PCNX1: variants seen among roughly 807,000 people sequenced by gnomAD.
PCNX1 encodes the protein pecanex 1.
Under a neutral mutation model 242.2 loss-of-function variants are expected in PCNX1, and 78 were observed. The ratio of observed to expected loss-of-function variants is 0.32; its 90% CI spans 0.27 to 0.39. The LOEUF (loss-of-function observed/expected upper bound fraction) is 0.39. PCNX1 is among the 10% of genes least tolerant of loss of function. PCNX1 has a pLI of 1.00. For missense variants in PCNX1, 2,581 were observed against 2,856.5 expected (o/e 0.90, Z 2.20); for synonymous variants, 1,024 against 1,032.9 (o/e 0.99, Z 0.17).
At chr14:70,994,427 A>ATATATATATG (rs930212552) in intron 7 of PCNX1, among the ~76,000 whole-genome samples, 30 of 88,712 alleles carry the variant, frequency 3.4e-4, no homozygotes, top group Middle Eastern at 5.4e-3. Context: ...ATATATATAT[A>ATATATATATG]TATGTATGTA....
chr14:71,073,906 C>T, intron 27 of PCNX1, 108 bp downstream of exon 27: 1 of 656,394 alleles, frequency 1.5e-6, no homozygotes, highest in Non-Finnish European at 2.2e-6. Flanking sequence ...GTATGCTTTG[C>T]TTCCAAGTAC....
intron 8 of PCNX1, among the ~76,000 whole-genome samples, chr14:71,007,725 A>T (rs1015239444): frequency 5.3e-5 from 8 of 152,198 alleles, no homozygotes; most frequent in African/African-American, 1.9e-4. Flanking sequence ...CCAATAAATG[A>T]ATACAGAACA....
chr14:71,036,642 G>C (rs941137866), intron 19 of PCNX1, among the ~76,000 whole-genome samples: 6 of 152,164 alleles, frequency 3.9e-5, no homozygotes, highest in Non-Finnish European at 7.3e-5. Context: ...TAAGTACACT[G>C]TGATGTTTGC....
At chr14:71,074,273 A>G (rs2061656755) in intron 27 of PCNX1, among the ~76,000 whole-genome samples, 2 of 152,166 alleles carry the variant, frequency 1.3e-5, no homozygotes, top group African/African-American at 4.8e-5. Flanking sequence ...TCATTCAACA[A>G]ACTGAATAAA....
chr14:71,076,516 C>G, intron 28 of PCNX1, 97 bp downstream of exon 28: 3 of 723,112 alleles, frequency 4.1e-6, no homozygotes, highest in South Asian at 1.8e-5. Context: ...TTTTCAAGAC[C>G]TTCCTCTTTC....
chr14:70,946,622 T>C (rs2057466614), intron 1 of PCNX1, among the ~76,000 whole-genome samples: 1 of 152,244 alleles, frequency 6.6e-6, no homozygotes, highest in Admixed American at 6.5e-5. Flanking sequence ...CAACATGTAA[T>C]CAACATTAAA....
chr14:70,996,715 A>G (rs906274683), intron 8 of PCNX1, among the ~76,000 whole-genome samples: 2 of 152,196 alleles, frequency 1.3e-5, no homozygotes, highest in Non-Finnish European at 2.9e-5. Context: ...TTATTCAGAA[A>G]TAATTCACTT....
chr14:71,020,916 C>T (rs191506631), intron 12 of PCNX1, among the ~76,000 whole-genome samples: 32 of 152,226 alleles, frequency 2.1e-4, no homozygotes, highest in Non-Finnish European at 3.8e-4. Flanking sequence ...AGTCTTTAAT[C>T]CATCTTGAGT....
chr14:70,949,083 C>CATGTGTATATATACATGTATATACGTAT (rs1566607331), intron 2 of PCNX1, among the ~76,000 whole-genome samples: 2 of 141,258 alleles, frequency 1.4e-5, no homozygotes, highest in African/African-American at 5.3e-5. Flanking sequence ...TGTATATATA[C>CATGTGTATATATACATGTATATACGTAT]ATGTGTATAT....
At chr14:71,105,587 G>A in intron 33 of PCNX1, 147 bp downstream of exon 33, 1 of 601,852 alleles carries the variant, frequency 1.7e-6, no homozygotes, top group Non-Finnish European at 2.9e-6. Flanking sequence ...GTCTTGCTCT[G>A]GCTGGAGTGC....
rs531856169 is a variant in PCNX1, at chr14:71,035,870, C to T, written c.3775-195C>T. Among the ~76,000 whole-genome samples, 3 of 152,166 alleles carry T rather than the reference C, an allele frequency of 2.0e-5. No homozygotes were observed. The East Asian group carries it at 5.8e-4, about 29-fold the overall frequency. ...GTTGCAGTGAGCCAAAATTGTCCCA[C>T]TGCACTCCATCTTAGAGAAAGAGAG... On this transcript the variant is annotated intron_variant, in intron 18 of 35. Coordinates refer to ENST00000304743, the MANE Select transcript of PCNX1 (RefSeq NM_014982.3).
intron 16 of PCNX1, chr14:71,031,715 C>A (rs953982153): frequency 2.0e-6 from 2 of 979,818 alleles, no homozygotes; most frequent in Non-Finnish European, 3.2e-6. Flanking sequence ...TGGCCTTTGG[C>A]CTTGAACTCT....
In PCNX1 at chr14:70,916,024, TTTATGTA is replaced by T. The variant is rs544907545; in HGVS notation, c.153+8022_153+8028del. Among the ~76,000 whole-genome samples, 12 of 152,222 alleles carry T rather than the reference TTTATGTA, an allele frequency of 7.9e-5. No homozygotes were observed. In the East Asian group the frequency reaches 2.3e-3, roughly 29 times the overall value. On this transcript the variant is annotated intron_variant, in intron 1 of 35. Coordinates refer to ENST00000304743, the MANE Select transcript of PCNX1 (RefSeq NM_014982.3). ...AAAAGTTGAGGTTCATCTTTTATGA[TTTATGTA>T]ATCTCCTTAGAGGACAAAGTGAGTG...
rs1594985887 is a variant in PCNX1 at position 70,946,974 on chromosome 14, C to T, written c.213C>T (p.Phe71=). Residue 71 remains phenylalanine (F), a synonymous_variant, in exon 2 of 36, where the codon TTC becomes TTT. Coordinates refer to ENST00000304743, the MANE Select transcript of PCNX1 (RefSeq NM_014982.3). ...AVYCPVIAAV[F]IVLKMVNYRL... Reference sequence around the variant, plus strand: ...ATTGTCCTGTGATAGCTGCTGTTTTCATTGTTCTGAAGATGGTCAACTATC... The same window carrying T: ...ATTGTCCTGTGATAGCTGCTGTTTTTATTGTTCTGAAGATGGTCAACTATC... 1 of 1,613,902 alleles carries T rather than the reference C, an allele frequency of 6.2e-7. No individual in the cohort carries two copies. The highest frequency in any genetic ancestry group is 2.2e-5 in the East Asian group (1 of 44,866).
chr14:71,090,816 C>T (rs2062108486), intron 30 of PCNX1, among the ~76,000 whole-genome samples: 1 of 152,220 alleles, frequency 6.6e-6, no homozygotes, highest in African/African-American at 2.4e-5. Flanking sequence ...TTTATCTCAG[C>T]TTGTCCGAGA....
chr14:71,052,644 G>A (rs994093109), intron 24 of PCNX1, among the ~76,000 whole-genome samples: 7 of 151,802 alleles, frequency 4.6e-5, no homozygotes, highest in African/African-American at 1.2e-4. Flanking sequence ...ATATAATATC[G>A]TTATAACAGT....
rs575881954 is a variant in PCNX1 at position 70,954,146 on chromosome 14, C to T, written c.362+7023C>T. Among the ~76,000 whole-genome samples, 6 of 152,198 alleles carry T rather than the reference C, an allele frequency of 3.9e-5. No homozygotes were observed. In the East Asian group the frequency reaches 1.2e-3, roughly 29 times the overall value. On this transcript the variant is annotated intron_variant, in intron 2 of 35. Coordinates refer to ENST00000304743, the MANE Select transcript of PCNX1 (RefSeq NM_014982.3). ...TTTCTTTATGAATCTCTGATTTACC[C>T]AGTATTTGTTAAGTGGACTATCTTT...
chr14:71,089,162 C>T (rs1566793089), intron 29 of PCNX1, 30 bp from the exon 30 acceptor site: 1 of 1,560,290 alleles, frequency 6.4e-7, no homozygotes, highest in Non-Finnish European at 8.8e-7. Flanking sequence ...TTTGTCAAAA[C>T]ATGTGAACTT....
intron 1 of PCNX1, among the ~76,000 whole-genome samples, chr14:70,938,319 T>G (rs2057093580): frequency 6.6e-6 from 1 of 152,284 alleles, no homozygotes; most frequent in East Asian, 1.9e-4. Context: ...AATACCTAAT[T>G]TATTGAGAGT....
Sources: allele counts gnomAD v4.1 joint callset (sites outside exome capture counted in the v4.1 genomes callset), GRCh38; gene constraint gnomAD v4.1.1; transcripts MANE v1.5; gene names NCBI Gene and HGNC (gene_info 2026-07-23, HGNC 2026-07-21).